The following RRP7A variants were observed in gnomAD, a reference collection of about 807,000 sequenced individuals.
RRP7A encodes the protein ribosomal RNA-processing protein 7 homolog A.
RRP7A carries 27 observed loss-of-function variants against 38.4 expected under a neutral mutation model. That is an observed-to-expected ratio of 0.70 (90% CI 0.52 to 0.97). The LOEUF is 0.97. RRP7A is among the 50% of genes least tolerant of loss of function. The pLI is 0.00. For missense variants in RRP7A, 327 were observed against 375.4 expected, an observed-to-expected ratio of 0.87 and a Z score of 1.07; for synonymous variants, 124 against 150.3, an observed-to-expected ratio of 0.83 and a Z score of 1.28.
intron 1 of RRP7A, 74 bp downstream of exon 1, chr22:42,519,640 C>T (rs1920942896): frequency 2.4e-6 from 3 of 1,266,488 alleles, no homozygotes; most frequent in African/African-American, 1.6e-5. Context: ...TGGGGACCCC[C>T]GGCCGTCGCC....
rs766411200 is a variant in RRP7A at position 42,510,718 on chromosome 22, C to G, written c.*2192G>C. ...TGATAGACACAATGAAATCCACCCTCAAAGAGGTAAGGCGGGGCTCAGGCA... is the reference window on the plus strand; with the variant it reads ...TGATAGACACAATGAAATCCACCCTGAAAGAGGTAAGGCGGGGCTCAGGCA... On this transcript the variant is annotated 3_prime_UTR_variant, in exon 7 of 7. Transcript: ENST00000323013. The G allele has an allele frequency of 7.2e-6, 11 of 1,527,572 alleles. No homozygotes were observed. The highest frequency in any genetic ancestry group is 9.7e-6 in the Non-Finnish European group (11 of 1,128,372). 94.6% of individuals were successfully genotyped at this position (1,527,572 alleles called of 1,614,324 possible). A position where few individuals can be genotyped will look rare whatever the true frequency, so the allele number is the denominator to read the frequency against.
At position 42,513,032 on chromosome 22, in the gene RRP7A, G is replaced by T. The variant is rs1222457642; in HGVS notation, c.758-37C>A. On this transcript the variant is annotated intron_variant, in intron 6 of 6. Coordinates refer to ENST00000323013, the MANE Select transcript of RRP7A (RefSeq NM_015703.5). ...AGGAGGCGCGGGGCAGGGTCAGACA[G>T]CGCGCCCCGGGGAAGCTGGCTTGCT... The T allele has an allele frequency of 4.5e-6, 7 of 1,568,824 alleles. 1 individual carries two copies. The highest frequency in any genetic ancestry group is 6.1e-6 in the Non-Finnish European group (7 of 1,144,930).
chr22:42,517,342 T>TAAAAAAAAAAAAAAA (rs71184902), intron 2 of RRP7A, among the ~76,000 whole-genome samples: 1 of 117,532 alleles, frequency 8.5e-6, no homozygotes, highest in Non-Finnish European at 1.8e-5. Context: ...TTAGTTTTTG[T>TAAAAAAAAAAAAAAA]AAAAAAAAAA....
chr22:42,512,051 C>G lies in RRP7A; in HGVS notation c.*859G>C. Reference sequence around the variant, plus strand: ...GGAATGCTGTGGGAGGGCCCTGACCCCGGGGCCCATGGAGCTCCCTAGGCT... The same window carrying G: ...GGAATGCTGTGGGAGGGCCCTGACCGCGGGGCCCATGGAGCTCCCTAGGCT... On this transcript the variant is annotated 3_prime_UTR_variant, in exon 7 of 7. Coordinates refer to ENST00000323013, the MANE Select transcript of RRP7A (RefSeq NM_015703.5). 1 of 1,232,062 alleles carries G rather than the reference C, an allele frequency of 8.1e-7. No homozygotes were observed. Among genetic ancestry groups the G allele is most frequent in the South Asian group, 1.2e-5 (1 of 83,632 alleles). The allele number at this position is 1,232,062 out of a possible 1,614,324, so 76.3% of individuals were successfully genotyped here.
In RRP7A at chr22:42,510,653, C is replaced by G; in HGVS notation, c.*2257G>C. On this transcript the variant is annotated 3_prime_UTR_variant, in exon 7 of 7. Coordinates refer to ENST00000323013, the MANE Select transcript of RRP7A (RefSeq NM_015703.5). ...CAGAGCAGTCCACGGATATTTTGAT[C>G]CAAGAGAGAATTACTCTGACAAGGA... 1 of 1,366,612 alleles carries G rather than the reference C, an allele frequency of 7.3e-7. No homozygotes were observed. Among genetic ancestry groups the G allele is most frequent in the East Asian group, 2.6e-5 (1 of 38,838 alleles). 84.7% of individuals were successfully genotyped at this position (1,366,612 alleles called of 1,614,324 possible).
At chr22:42,517,383 G>T (rs1357217416) in intron 2 of RRP7A, among the ~76,000 whole-genome samples, 1 of 148,890 alleles carries the variant, frequency 6.7e-6, no homozygotes, top group African/African-American at 2.5e-5. Flanking sequence ...GTTGTGTTTG[G>T]ATAGAATTAG....
chr22:42,519,563 G>A (rs1242900226), intron 1 of RRP7A, 151 bp downstream of exon 1: 10 of 620,864 alleles, frequency 1.6e-5, no homozygotes, highest in South Asian at 6.9e-5. Flanking sequence ...GGACCCCGGA[G>A]CCTCAAGACC....
In RRP7A at chr22:42,519,763, G is replaced by C; in HGVS notation, c.24C>G (p.Cys8Trp). The C allele has an allele frequency of 6.9e-7, 1 of 1,451,300 alleles. No homozygotes were observed. The highest frequency in any genetic ancestry group is 1.3e-5 in the South Asian group (1 of 75,108). 89.9% of individuals were successfully genotyped at this position (1,451,300 alleles called of 1,614,324 possible). ...TACGGTCCTCCGGGTCCCGCGCGGC[G>C]CACTTCCTCCTGCGCGCCACCATCT... Reference protein sequence around the residue: MVARRRKCAARDPEDRIP... With the variant: MVARRRKWAARDPEDRIP... The change falls in exon 1 of 7, where the codon TGC becomes TGG. Residue 8 changes from cysteine (C) to tryptophan (W), a missense_variant. Cys to Trp is a radical substitution (Grantham distance 215, BLOSUM62 -2). This residue lies in a region of RRP7A where 183 missense variants were observed against 141.8 expected (regional missense o/e 1.29). Transcript: ENST00000323013.
intron 2 of RRP7A, among the ~76,000 whole-genome samples, chr22:42,516,613 T>C (rs987909043): frequency 2.0e-5 from 3 of 152,232 alleles, no homozygotes; most frequent in Admixed American, 6.5e-5. Context: ...GTGCCCGGCA[T>C]ATTCCTGCTC....
In RRP7A at chr22:42,511,677, A is replaced by G; in HGVS notation, c.*1233T>C. On this transcript the variant is annotated 3_prime_UTR_variant, in exon 7 of 7. Transcript: ENST00000323013. ...CAGTTTTCTTGGCGTTGTCACCACA[A>G]AAGGAAGAAGCCCACCTGTGGCTGG... The G allele has an allele frequency of 5.8e-6, 1 of 171,866 alleles. No homozygotes were observed. The highest frequency in any genetic ancestry group is 2.4e-5 in the African/African-American group (1 of 41,948). 10.6% of individuals were successfully genotyped at this position (171,866 alleles called of 1,614,324 possible).
At chr22:42,515,421 TC>T (rs1920927074) in intron 3 of RRP7A, among the ~76,000 whole-genome samples, 153 bp from the exon 4 acceptor site, 1 of 152,192 alleles carries the variant, frequency 6.6e-6, no homozygotes, top group Non-Finnish European at 1.5e-5. Context: ...CATCCCATAA[TC>T]CAGGTCAGAG....
chr22:42,512,911 C>T lies in RRP7A; in HGVS notation c.842G>A (p.Ter281=), dbSNP rs762076802. Reference sequence around the variant, plus strand: ...GCCATTCACTGCGGCTCTCACAGCTCAGTACGGTCGGAATTTGCGCTGGGC... The same window carrying T: ...GCCATTCACTGCGGCTCTCACAGCTTAGTACGGTCGGAATTTGCGCTGGGC... ...LRAQRKFRPY[*] is the part of the protein sequence containing the mutation. Residue 281 remains the stop codon, a stop_retained_variant, in exon 7 of 7, where the codon TGA becomes TAA. Coordinates refer to ENST00000323013, the MANE Select transcript of RRP7A (RefSeq NM_015703.5). The T allele has an allele frequency of 2.5e-6, 4 of 1,613,044 alleles. No homozygotes were observed. In the East Asian group the frequency reaches 8.9e-5, roughly 36 times the overall value.
chr22:42,510,962 G>A lies in RRP7A; in HGVS notation c.*1948C>T, dbSNP rs1932440814. The A allele has an allele frequency of 8.3e-6, 2 of 240,820 alleles. No homozygotes were observed. The highest frequency in any genetic ancestry group is 1.4e-5 in the Non-Finnish European group (2 of 141,028). The allele number at this position is 240,820 out of a possible 1,614,324, so 14.9% of individuals were successfully genotyped here. A position where few individuals can be genotyped will look rare whatever the true frequency, so the allele number is the denominator to read the frequency against. ...TGGGGAGGTTCTTTACCATCCTCAA[G>A]TACCCACCCCTCCTTCTTGGGGCCA... On this transcript the variant is annotated 3_prime_UTR_variant, in exon 7 of 7. Transcript: ENST00000323013.
At chr22:42,517,233 G>A (rs1169942910) in intron 2 of RRP7A, among the ~76,000 whole-genome samples, 2 of 150,526 alleles carry the variant, frequency 1.3e-5, no homozygotes, top group African/African-American at 2.5e-5. Context: ...AGTTGTGAAC[G>A]CTGTGCTCCA....
intron 4 of RRP7A, 83 bp from the exon 5 acceptor site, chr22:42,514,862 G>A: frequency 9.3e-7 from 1 of 1,080,294 alleles, no homozygotes; most frequent in African/African-American, 1.6e-5. Flanking sequence ...GGCAAATTGG[G>A]ACCTTTTCCC....
chr22:42,509,138 ACCC>A lies in RRP7A; in HGVS notation c.*3769_*3771del, dbSNP rs765100991. The A allele has an allele frequency of 3.7e-6, 6 of 1,613,162 alleles. No homozygotes were observed. In the African/African-American group the frequency reaches 8.0e-5, roughly 22 times the overall value. On this transcript the variant is annotated 3_prime_UTR_variant, in exon 7 of 7. Coordinates refer to ENST00000323013, the MANE Select transcript of RRP7A (RefSeq NM_015703.5). ...GAGTCTGGACCCATCCCCTTCAGTC[ACCC>A]CCCAAGGAGACATGGGCGCCAGGAA...
At chr22:42,519,417 C>T (rs1018382971) in intron 1 of RRP7A, among the ~76,000 whole-genome samples, 9 of 152,186 alleles carry the variant, frequency 5.9e-5, no homozygotes, top group Non-Finnish European at 1.0e-4. Flanking sequence ...CTCACCTGGA[C>T]GAGCGGGTGT....
In RRP7A at chr22:42,519,765, A is replaced by ACTTCCTCCTGCGCGCCACC. The variant is rs755453028; in HGVS notation, c.3_21dup (p.Cys8GlyfsTer31). ...CGGTCCTCCGGGTCCCGCGCGGCGC[A>ACTTCCTCCTGCGCGCCACC]CTTCCTCCTGCGCGCCACCATCTTG... On this transcript the variant is annotated frameshift_variant, in exon 1 of 7. Transcript: ENST00000323013. LOFTEE classifies it high-confidence loss of function. The ACTTCCTCCTGCGCGCCACC allele has an allele frequency of 1.4e-6, 2 of 1,450,460 alleles. No individual in the cohort carries two copies. The highest frequency in any genetic ancestry group is 2.7e-5 in the South Asian group (2 of 75,020). The allele number at this position is 1,450,460 out of a possible 1,614,324, so 89.8% of individuals were successfully genotyped here. A position where few individuals can be genotyped will look rare whatever the true frequency, so the allele number is the denominator to read the frequency against.
intron 1 of RRP7A, among the ~76,000 whole-genome samples, chr22:42,519,045 C>A (rs952795576): frequency 6.7e-5 from 10 of 148,374 alleles, no homozygotes; most frequent in African/African-American, 2.5e-4. Flanking sequence ...GTGCAACAAA[C>A]CGGCACAGCA....
Sources: gnomAD v4.1 joint callset for allele counts (sites outside exome capture counted in the v4.1 genomes callset) on GRCh38, gnomAD v4.1.1 for gene constraint, gnomAD v4.1.1 regional missense constraint, MANE v1.5 for transcripts, NCBI Gene and HGNC (gene_info 2026-07-23, HGNC 2026-07-21) for gene names.